The following TCP11L2 variants were observed in gnomAD, a reference collection of about 807,000 sequenced individuals.
The protein encoded by TCP11L2 is t-complex 11 like 2, also known as T-complex protein 11-like protein 2.
In TCP11L2, 39 loss-of-function variants were observed where a neutral mutation model predicts 50.7. The observed-to-expected ratio is 0.77, with a 90% confidence interval of 0.60 to 1.01. TCP11L2 has a LOEUF of 1.01. Among genes scored for constraint, TCP11L2 ranks in the 50% least tolerant of loss-of-function variants. The pLI is 0.00. For missense variants in TCP11L2, 612 were observed against 614.7 expected (o/e 1.00, Z 0.05); for synonymous variants, 192 against 219.3 (o/e 0.88, Z 1.10).
chr12:106,301,367 T>A (rs1461552459), upstream of TCP11L2, among the ~76,000 whole-genome samples: 1 of 152,252 alleles, frequency 6.6e-6, no homozygotes, highest in Non-Finnish European at 1.5e-5. Context: ...GTGCTTACTG[T>A]GCACCCTGCT....
At chr12:106,341,057 A>G in intron 9 of TCP11L2, 59 bp downstream of exon 9, 1 of 1,452,264 alleles carries the variant, frequency 6.9e-7, no homozygotes, top group Admixed American at 2.0e-5. Flanking sequence ...GCTGATTTTG[A>G]CTAACATTAA....
At chr12:106,298,801 G>A (rs2034377984), upstream of TCP11L2, among the ~76,000 whole-genome samples, 1 of 150,912 alleles carries the variant, frequency 6.6e-6, no homozygotes, top group Middle Eastern at 3.6e-3. Context: ...GGGATTATAG[G>A]TGTGAACCAC....
chr12:106,339,407 A>G (rs2036022730), intron 8 of TCP11L2, among the ~76,000 whole-genome samples: 1 of 151,980 alleles, frequency 6.6e-6, no homozygotes, highest in African/African-American at 2.4e-5. Flanking sequence ...GTTTGCAAAT[A>G]TTTTCTCCCA....
intron 3 of TCP11L2, among the ~76,000 whole-genome samples, chr12:106,316,218 C>T (rs1027999403): frequency 4.0e-5 from 6 of 150,720 alleles, no homozygotes; most frequent in African/African-American, 1.5e-4. Context: ...GTTGCCGTGT[C>T]TCCTTTCTTA....
chr12:106,302,509 T>G (rs1379958543), upstream of TCP11L2, among the ~76,000 whole-genome samples: 1 of 145,800 alleles, frequency 6.9e-6, no homozygotes, highest in Non-Finnish European at 1.5e-5. Flanking sequence ...CCGTAAACAC[T>G]TCTCACCCCG....
At chr12:106,329,720 A>T in intron 6 of TCP11L2, 2 of 1,070,816 alleles carry the variant, frequency 1.9e-6, no homozygotes, top group Non-Finnish European at 2.3e-6. Context: ...GTCAGCTGTA[A>T]ATGATTAAAC....
chr12:106,344,687 A>C (rs1056188696), intron 9 of TCP11L2, among the ~76,000 whole-genome samples: 1 of 152,214 alleles, frequency 6.6e-6, no homozygotes, highest in Non-Finnish European at 1.5e-5. Context: ...TCTATATTCA[A>C]TGTGGCATAT....
chr12:106,344,770 G>A (rs890425908), intron 9 of TCP11L2, among the ~76,000 whole-genome samples: 6 of 152,190 alleles, frequency 3.9e-5, no homozygotes, highest in African/African-American at 1.4e-4. Flanking sequence ...AGCAGCCTGA[G>A]CTATAGCAGG....
At chr12:106,314,104 A>G (rs899691643) in intron 2 of TCP11L2, among the ~76,000 whole-genome samples, 2 of 152,196 alleles carry the variant, frequency 1.3e-5, no homozygotes, top group African/African-American at 4.8e-5. Flanking sequence ...TAATGGGCCT[A>G]TATTAATAAG....
At chr12:106,335,198 A>T (rs2136792203) in intron 6 of TCP11L2, among the ~76,000 whole-genome samples, 1 of 152,314 alleles carries the variant, frequency 6.6e-6, no homozygotes, top group African/African-American at 2.4e-5. Flanking sequence ...TTTACCAAAA[A>T]TGTGTGAAAA....
chr12:106,309,318 G>A (rs577490878), intron 1 of TCP11L2, among the ~76,000 whole-genome samples: 1 of 152,114 alleles, frequency 6.6e-6, no homozygotes, highest in Admixed American at 6.5e-5. Context: ...GGATGCAAGG[G>A]CTCAAGAATC....
At chr12:106,345,505 T>A (rs2036204201) in intron 9 of TCP11L2, among the ~76,000 whole-genome samples, 1 of 152,254 alleles carries the variant, frequency 6.6e-6, no homozygotes. Context: ...TCTCCTGATT[T>A]TAAATGGCTT....
chr12:106,302,421 C>G (rs1330542812), upstream of TCP11L2, among the ~76,000 whole-genome samples: 1 of 139,920 alleles, frequency 7.1e-6, no homozygotes, highest in Non-Finnish European at 1.6e-5. Flanking sequence ...CCCGCTCCCC[C>G]ACTCGGCCCC....
At chr12:106,318,710 C>A (rs973051058) in intron 4 of TCP11L2, among the ~76,000 whole-genome samples, 2 of 152,060 alleles carry the variant, frequency 1.3e-5, no homozygotes, top group African/African-American at 4.8e-5. Context: ...TCTTTAGGGT[C>A]TTTTTGTTGT....
chr12:106,311,243 G>A lies in TCP11L2; in HGVS notation c.157+11G>A, dbSNP rs2034843330. On this transcript the variant is annotated intron_variant, in intron 2 of 9. Transcript: ENST00000299045. Reference sequence around the variant, plus strand: ...CCAGCTCTCCTGCTTGTGAGCCGATGGGGGAGCAGGGGTTGTGGGTGGCAG... The same window carrying A: ...CCAGCTCTCCTGCTTGTGAGCCGATAGGGGAGCAGGGGTTGTGGGTGGCAG... 1 of 1,612,152 alleles carries A rather than the reference G, an allele frequency of 6.2e-7. No individual in the cohort carries two copies. Among genetic ancestry groups the A allele is most frequent in the Admixed American group, 1.7e-5 (1 of 59,918 alleles).
intron 9 of TCP11L2, among the ~76,000 whole-genome samples, chr12:106,343,078 C>A (rs940829582): frequency 2.6e-5 from 4 of 152,228 alleles, no homozygotes; most frequent in Admixed American, 2.0e-4. Flanking sequence ...ACTTGAACGT[C>A]TCTTCTTCGA....
chr12:106,302,569 TC>T (rs911893495), upstream of TCP11L2, among the ~76,000 whole-genome samples: 2 of 151,420 alleles, frequency 1.3e-5, no homozygotes, highest in African/African-American at 4.9e-5. Context: ...AACCGTGCCC[TC>T]TCGCATCCGA....
At chr12:106,298,090 T>C (rs1217565798), upstream of TCP11L2, among the ~76,000 whole-genome samples, 1 of 152,160 alleles carries the variant, frequency 6.6e-6, no homozygotes, top group Non-Finnish European at 1.5e-5. Flanking sequence ...GCAATTGAAA[T>C]GAGAAATAAC....
In TCP11L2 at chr12:106,323,459, T is replaced by G. The variant is rs765443596; in HGVS notation, c.636-51T>G. On this transcript the variant is annotated intron_variant, in intron 5 of 9. Transcript: ENST00000299045. ...TGGAACATAGATCATTGTTAGTGAA[T>G]TTCAGCTTCACTTCTTAATCATCTC... The G allele has an allele frequency of 1.2e-5, 18 of 1,468,220 alleles. No homozygotes were observed. The African/African-American group carries it at 2.6e-4, about 21-fold the overall frequency. 90.9% of individuals were successfully genotyped at this position (1,468,220 alleles called of 1,614,324 possible). A position where few individuals can be genotyped will look rare whatever the true frequency, so the allele number is the denominator to read the frequency against.
Sources: gnomAD v4.1 joint callset for allele counts (sites outside exome capture counted in the v4.1 genomes callset) on GRCh38, gnomAD v4.1.1 for gene constraint, MANE v1.5 for transcripts, NCBI Gene and HGNC (gene_info 2026-07-23, HGNC 2026-07-21) for gene names.